The following FGD4 variants were observed in gnomAD, a reference collection of about 807,000 sequenced individuals.
The protein encoded by FGD4 is FYVE, RhoGEF and PH domain-containing protein 4.
Under a neutral mutation model 102.0 loss-of-function variants are expected in FGD4, and 42 were observed. That is an observed-to-expected ratio of 0.41 (90% CI 0.32 to 0.53). The LOEUF is 0.53. Among genes scored for constraint, FGD4 ranks in the 20% least tolerant of loss-of-function variants. The pLI is 0.21. For synonymous variants in FGD4, 380 were observed against 375.7 expected (o/e 1.01, Z -0.13); for missense variants, 902 against 1,078.2 (o/e 0.84, Z 2.29).
chr12:32,470,266 T>C (rs1210886839), intron 1 of FGD4, among the ~76,000 whole-genome samples: 1 of 151,960 alleles, frequency 6.6e-6, no homozygotes, highest in African/African-American at 2.4e-5. Flanking sequence ...GACAGGGTGA[T>C]TGGATCAGAC....
At chr12:32,613,213 G>GAGTT (rs1338575036) in intron 10 of FGD4, among the ~76,000 whole-genome samples, 1 of 152,152 alleles carries the variant, frequency 6.6e-6, no homozygotes, top group Non-Finnish European at 1.5e-5. Flanking sequence ...ACCATAGCAT[G>GAGTT]AGTTGTCATG....
chr12:32,406,307 A>C (rs1430475692), intron 1 of FGD4, among the ~76,000 whole-genome samples: 5 of 151,702 alleles, frequency 3.3e-5, no homozygotes, highest in Non-Finnish European at 7.4e-5. Context: ...TAATTCCAGC[A>C]CTTTGGGAGG....
At chr12:32,472,627 T>C (rs1236807915) in intron 1 of FGD4, among the ~76,000 whole-genome samples, 1 of 152,210 alleles carries the variant, frequency 6.6e-6, no homozygotes, top group Non-Finnish European at 1.5e-5. Context: ...CACCACCCCC[T>C]GCTCCACGGC....
intron 2 of FGD4, among the ~76,000 whole-genome samples, chr12:32,571,888 T>A (rs1362619868): frequency 6.6e-6 from 1 of 151,926 alleles, no homozygotes; most frequent in Non-Finnish European, 1.5e-5. Flanking sequence ...AGTAAGAAAG[T>A]TCCCAAGAAA....
At position 32,400,101 on chromosome 12, in the gene FGD4, C is replaced by G. The variant is rs921942690; in HGVS notation, c.166+142C>G. On this transcript the variant is annotated intron_variant, in intron 1 of 16. Transcript: ENST00000534526. ...GGGAGGTTCATTGTGGAAGGCTGCGCTCGGCCACCCACTCCCTTAGCTATG... is the reference window on the plus strand; with the variant it reads ...GGGAGGTTCATTGTGGAAGGCTGCGGTCGGCCACCCACTCCCTTAGCTATG... 12 of 1,216,268 alleles carry G rather than the reference C, an allele frequency of 9.9e-6. No individual in the cohort carries two copies. In the Admixed American group the frequency reaches 3.5e-4, roughly 36 times the overall value. The allele number at this position is 1,216,268 out of a possible 1,614,324, so 75.3% of individuals were successfully genotyped here.
chr12:32,407,298 G>A (rs926068134), intron 1 of FGD4, among the ~76,000 whole-genome samples: 2 of 151,072 alleles, frequency 1.3e-5, no homozygotes, highest in African/African-American at 2.4e-5. Context: ...GCTAATTTTT[G>A]TACTTTTAGT....
intron 1 of FGD4, among the ~76,000 whole-genome samples, chr12:32,514,604 T>A (rs1009597395): frequency 3.3e-5 from 5 of 152,118 alleles, no homozygotes; most frequent in Non-Finnish European, 7.4e-5. Context: ...CTCGAACTTC[T>A]GGGCTTAAGC....
chr12:32,590,512 C>T (rs1947389024), intron 4 of FGD4, among the ~76,000 whole-genome samples: 1 of 152,028 alleles, frequency 6.6e-6, no homozygotes, highest in Admixed American at 6.6e-5. Context: ...ATTCCTCTAC[C>T]TCCTGGTTTT....
intron 10 of FGD4, among the ~76,000 whole-genome samples, chr12:32,617,340 C>A (rs1483448673): frequency 6.6e-6 from 1 of 152,114 alleles, no homozygotes; most frequent in Non-Finnish European, 1.5e-5. Context: ...TAATTTTTCC[C>A]TTATTTAATC....
At chr12:32,535,295 A>G (rs1942151125) in intron 1 of FGD4, among the ~76,000 whole-genome samples, 1 of 152,188 alleles carries the variant, frequency 6.6e-6, no homozygotes, top group Non-Finnish European at 1.5e-5. Context: ...ACAACTTAGA[A>G]CCGGCAGCCT....
chr12:32,434,089 C>T (rs977018294), intron 1 of FGD4, among the ~76,000 whole-genome samples: 3 of 151,562 alleles, frequency 2.0e-5, no homozygotes, highest in African/African-American at 7.3e-5. Flanking sequence ...CTCCTGACCT[C>T]GTGATCCGCC....
At chr12:32,420,122 G>A (rs1941576648) in intron 1 of FGD4, among the ~76,000 whole-genome samples, 1 of 152,146 alleles carries the variant, frequency 6.6e-6, no homozygotes, top group African/African-American at 2.4e-5. Flanking sequence ...GGTGAGGGGG[G>A]TGACAAACAG....
chr12:32,483,611 C>G (rs1943819029), intron 1 of FGD4, among the ~76,000 whole-genome samples: 1 of 152,122 alleles, frequency 6.6e-6, no homozygotes, highest in Admixed American at 6.5e-5. Context: ...CAGGACAGTT[C>G]CAGTTTTAGC....
intron 1 of FGD4, among the ~76,000 whole-genome samples, chr12:32,461,768 C>T (rs919635757): frequency 7.2e-5 from 11 of 152,232 alleles, no homozygotes; most frequent in Admixed American, 2.6e-4. Flanking sequence ...GCTCTGTCGC[C>T]GAGGCTGGAG....
intron 1 of FGD4, among the ~76,000 whole-genome samples, chr12:32,491,726 T>A (rs1944101015): frequency 6.6e-6 from 1 of 152,222 alleles, no homozygotes; most frequent in African/African-American, 2.4e-5. Context: ...ATAATGTTCC[T>A]AGGTATGCTA....
intron 1 of FGD4, among the ~76,000 whole-genome samples, chr12:32,402,526 T>C (rs1940727348): frequency 6.6e-6 from 1 of 151,960 alleles, no homozygotes. Flanking sequence ...TAGCTCACTA[T>C]AGCTTCGAAC....
At chr12:32,415,873 C>T (rs959289343) in intron 1 of FGD4, among the ~76,000 whole-genome samples, 3 of 152,126 alleles carry the variant, frequency 2.0e-5, no homozygotes, top group Non-Finnish European at 4.4e-5. Context: ...ATAGCTACTC[C>T]TGCTCTTTTT....
intron 1 of FGD4, among the ~76,000 whole-genome samples, chr12:32,557,615 C>T (rs1944227856): frequency 6.6e-6 from 1 of 152,160 alleles, no homozygotes; most frequent in South Asian, 2.1e-4. Context: ...AACTCTTCAT[C>T]AGATTTTCTT....
At position 32,518,097 on chromosome 12, in the gene FGD4, C is replaced by T. The variant is rs531716258; in HGVS notation, c.167-46040C>T. The stretch of plus-strand genomic sequence containing the variant: ...GTTTTAGGACTAACTTCAGGATTGA[C>T]GTGTGTAGACAACATGTACAAGATT... On this transcript the variant is annotated intron_variant, in intron 1 of 16. Transcript: ENST00000534526. Among the ~76,000 whole-genome samples the T allele has an allele frequency of 5.9e-5, 9 of 152,286 alleles. No individual in the cohort carries two copies. In the East Asian group the frequency reaches 1.4e-3, roughly 23 times the overall value.
Sources: allele counts gnomAD v4.1 joint callset (sites outside exome capture counted in the v4.1 genomes callset), GRCh38; gene constraint gnomAD v4.1.1; transcripts MANE v1.5; gene names NCBI Gene and HGNC (gene_info 2026-07-23, HGNC 2026-07-21).